The following CHL1 variants were observed in gnomAD, a reference collection of about 807,000 sequenced individuals.
CHL1 encodes the protein cell adhesion molecule L1 like.
Under a neutral mutation model 141.9 loss-of-function variants are expected in CHL1, and 96 were observed. The ratio of observed to expected loss-of-function variants is 0.68; its 90% CI spans 0.57 to 0.80. The LOEUF is 0.80. CHL1 is among the 30% of genes least tolerant of loss of function. CHL1 has a pLI of 0.00. For synonymous variants in CHL1, 613 were observed against 502.2 expected (o/e 1.22, Z -2.95); for missense variants, 1,820 against 1,457.2 (o/e 1.25, Z -4.05).
intron 25 of CHL1, 44 bp downstream of exon 25, chr3:398,429 G>T: frequency 7.5e-7 from 1 of 1,328,840 alleles, no homozygotes; most frequent in Non-Finnish European, 1.1e-6. Context: ...GTCAATCTAT[G>T]TCCTGTAGAA....
At chr3:395,516 T>C (rs1708598124) in intron 24 of CHL1, among the ~76,000 whole-genome samples, 1 of 152,202 alleles carries the variant, frequency 6.6e-6, no homozygotes, top group Non-Finnish European at 1.5e-5. Context: ...CTTTCTATGA[T>C]AGCAACAGGA....
At chr3:327,870 C>A (rs1056249189) in intron 4 of CHL1, among the ~76,000 whole-genome samples, 3 of 151,536 alleles carry the variant, frequency 2.0e-5, no homozygotes. Context: ...TTGTAGTCTC[C>A]AGAATATTAA....
intron 5 of CHL1, among the ~76,000 whole-genome samples, chr3:340,497 G>T (rs1282346587): frequency 6.6e-6 from 1 of 152,128 alleles, no homozygotes; most frequent in African/African-American, 2.4e-5. Context: ...GTGACTCTGG[G>T]TTTATATCTC....
At chr3:235,614 A>G (rs1691891485) in intron 1 of CHL1, among the ~76,000 whole-genome samples, 3 of 152,210 alleles carry the variant, frequency 2.0e-5, no homozygotes, top group Non-Finnish European at 1.5e-5. Context: ...ATAGGAAAAC[A>G]TAGTGCTTCT....
chr3:246,414 C>G (rs1404796958), intron 2 of CHL1, among the ~76,000 whole-genome samples: 20 of 151,944 alleles, frequency 1.3e-4, no homozygotes, highest in Non-Finnish European at 1.5e-5. Context: ...TTATTTAATT[C>G]TACAAAATAA....
At chr3:201,336 C>G (rs1215970058) in intron 1 of CHL1, among the ~76,000 whole-genome samples, 2 of 152,194 alleles carry the variant, frequency 1.3e-5, no homozygotes, top group African/African-American at 4.8e-5. Flanking sequence ...ATCCTGCTTA[C>G]CTTCTCATTG....
chr3:223,221 C>T (rs922468033), intron 1 of CHL1, among the ~76,000 whole-genome samples: 6 of 152,158 alleles, frequency 3.9e-5, no homozygotes, highest in African/African-American at 1.4e-4. Context: ...AATTAAGTGA[C>T]ATTCGGGTGA....
chr3:317,181 T>G (rs1700207919), intron 2 of CHL1, among the ~76,000 whole-genome samples: 1 of 152,042 alleles, frequency 6.6e-6, no homozygotes, highest in African/African-American at 2.4e-5. Flanking sequence ...TTAGTCATTA[T>G]TCATATTCTG....
At chr3:301,340 T>C (rs1343142713) in intron 2 of CHL1, among the ~76,000 whole-genome samples, 2 of 152,206 alleles carry the variant, frequency 1.3e-5, no homozygotes, top group Admixed American at 6.5e-5. Context: ...AATTAGAAGT[T>C]CTGGCTGTAC....
chr3:293,004 G>C (rs554758111), intron 2 of CHL1, among the ~76,000 whole-genome samples: 1 of 152,302 alleles, frequency 6.6e-6, no homozygotes, highest in African/African-American at 2.4e-5. Context: ...TTATTGATTT[G>C]TATTAAGCCA....
chr3:322,653 T>TATATATATAATTTTATATATATATATAAA (rs1559252798), intron 3 of CHL1, among the ~76,000 whole-genome samples: 1 of 104,572 alleles, frequency 9.6e-6, no homozygotes, highest in Admixed American at 1.0e-4. Context: ...AAAATATATA[T>TATATATATAATTTTATATATATATATAAA]ATATATATAT....
chr3:293,111 A>T (rs1009196662), intron 2 of CHL1, among the ~76,000 whole-genome samples: 2 of 152,260 alleles, frequency 1.3e-5, no homozygotes, highest in East Asian at 3.8e-4. Context: ...GATATAGCAC[A>T]GTGCTTCAGG....
intron 10 of CHL1, among the ~76,000 whole-genome samples, chr3:350,401 C>G (rs1703142122): frequency 1.3e-5 from 2 of 152,008 alleles, no homozygotes; most frequent in Non-Finnish European, 2.9e-5. Context: ...TGTAGTTGAC[C>G]GTATTGATCA....
intron 8 of CHL1, among the ~76,000 whole-genome samples, chr3:343,519 C>G (rs1486598752): frequency 1.3e-5 from 2 of 152,138 alleles, no homozygotes; most frequent in Non-Finnish European, 1.5e-5. Context: ...GTTCATGTGT[C>G]TGCGTGATCT....
intron 1 of CHL1, among the ~76,000 whole-genome samples, chr3:233,758 T>A (rs535849365): frequency 6.6e-6 from 1 of 152,114 alleles, no homozygotes; most frequent in African/African-American, 2.4e-5. Context: ...CACAACTTTT[T>A]AAAATTATAA....
intron 19 of CHL1, among the ~76,000 whole-genome samples, chr3:385,011 A>T (rs1382499255): frequency 1.3e-5 from 2 of 152,166 alleles, no homozygotes; most frequent in East Asian, 1.9e-4. Context: ...AACTTTTTTT[A>T]AAATGGTAAT....
chr3:340,995 G>C, intron 6 of CHL1, 79 bp downstream of exon 6: 1 of 1,410,426 alleles, frequency 7.1e-7, no homozygotes, highest in Non-Finnish European at 9.7e-7. Context: ...TGAATCCAAA[G>C]ACAAAATAAA....
intron 9 of CHL1, among the ~76,000 whole-genome samples, chr3:346,223 T>C (rs1477298543): frequency 6.6e-6 from 1 of 152,200 alleles, no homozygotes; most frequent in African/African-American, 2.4e-5. Flanking sequence ...AATATCAAAG[T>C]TGCTTGTCTG....
intron 2 of CHL1, among the ~76,000 whole-genome samples, chr3:318,747 C>A (rs1575054154): frequency 6.6e-6 from 1 of 151,250 alleles, no homozygotes; most frequent in South Asian, 2.1e-4. Flanking sequence ...CTCTATCTTG[C>A]TGGAACTATC....
Sources: allele counts gnomAD v4.1 joint callset (sites outside exome capture counted in the v4.1 genomes callset), GRCh38; gene constraint gnomAD v4.1.1; transcripts MANE v1.5; gene names NCBI Gene and HGNC (gene_info 2026-07-23, HGNC 2026-07-21).